The following SPATS2L variants were observed in gnomAD, a reference collection of about 807,000 sequenced individuals.
SPATS2L encodes the protein SPATS2-like protein.
SPATS2L carries 30 observed loss-of-function variants against 59.6 expected under a neutral mutation model. The ratio of observed to expected loss-of-function variants is 0.50; its 90% CI spans 0.38 to 0.68. The LOEUF (loss-of-function observed/expected upper bound fraction) is 0.68. SPATS2L is among the 30% of genes least tolerant of loss of function. SPATS2L has a pLI of 0.00. For synonymous variants in SPATS2L, 252 were observed against 263.5 expected (o/e 0.96, Z 0.42); for missense variants, 615 against 700.0 (o/e 0.88, Z 1.37).
chr2:200,418,985 A>T (rs940752189), intron 5 of SPATS2L, among the ~76,000 whole-genome samples: 2 of 152,208 alleles, frequency 1.3e-5, no homozygotes, highest in African/African-American at 4.8e-5. Context: ...TCAGCTATTT[A>T]AGCCATTCCT....
chr2:200,472,718 A>T (rs1289332195), intron 11 of SPATS2L, 114 bp from the exon 12 acceptor site: 1 of 884,322 alleles, frequency 1.1e-6, no homozygotes, highest in African/African-American at 1.7e-5. Flanking sequence ...AAACTTTTTA[A>T]TGTTTTTGTG....
chr2:200,473,143 T>G, intron 12 of SPATS2L, 91 bp downstream of exon 12: 2 of 1,247,976 alleles, frequency 1.6e-6, no homozygotes, highest in Non-Finnish European at 2.2e-6. Flanking sequence ...ATTCTGGGCC[T>G]CCTGGGGTCA....
intron 3 of SPATS2L, among the ~76,000 whole-genome samples, chr2:200,397,353 T>G (rs547306396): frequency 1.3e-5 from 2 of 152,310 alleles, no homozygotes; most frequent in South Asian, 4.1e-4. Flanking sequence ...CTCACCATGA[T>G]CCTTCGTATT....
chr2:200,443,045 A>T (rs2084801167), intron 8 of SPATS2L, among the ~76,000 whole-genome samples: 1 of 152,190 alleles, frequency 6.6e-6, no homozygotes, highest in African/African-American at 2.4e-5. Flanking sequence ...TTATTTTCTG[A>T]TCTAATCCTT....
chr2:200,406,133 A>G (rs1471218748), intron 3 of SPATS2L, among the ~76,000 whole-genome samples: 3 of 152,182 alleles, frequency 2.0e-5, no homozygotes, highest in Non-Finnish European at 4.4e-5. Context: ...ATATAAAGAT[A>G]TGCTCCCTGT....
intron 6 of SPATS2L, among the ~76,000 whole-genome samples, chr2:200,425,065 T>C (rs1043541822): frequency 6.9e-6 from 1 of 145,614 alleles, no homozygotes; most frequent in African/African-American, 2.5e-5. Context: ...TTTCTCATCC[T>C]CAAGTGAACT....
chr2:200,389,659 C>T (rs1424855831), intron 3 of SPATS2L: 19 of 174,136 alleles, frequency 1.1e-4, no homozygotes, highest in Non-Finnish European at 2.5e-5. Context: ...TACTCTTCAC[C>T]CCCAGGCTGG....
chr2:200,366,575 T>A (rs2081275613), intron 2 of SPATS2L, among the ~76,000 whole-genome samples: 1 of 152,226 alleles, frequency 6.6e-6, no homozygotes, highest in South Asian at 2.1e-4. Context: ...TGATTATTCA[T>A]GGACTTGAGT....
chr2:200,371,070 C>T (rs920184428), intron 2 of SPATS2L, among the ~76,000 whole-genome samples: 4 of 151,992 alleles, frequency 2.6e-5, no homozygotes, highest in East Asian at 1.9e-4. Flanking sequence ...AATTGATTGT[C>T]GGCTCATTAT....
chr2:200,470,094 G>T (rs1337900800), intron 11 of SPATS2L, 78 bp downstream of exon 11: 1 of 1,191,014 alleles, frequency 8.4e-7, no homozygotes, highest in East Asian at 2.6e-5. Flanking sequence ...GAAATGTCAG[G>T]TGTGCAGTCC....
At chr2:200,314,093 C>G (rs987151906) in intron 1 of SPATS2L, among the ~76,000 whole-genome samples, 4 of 152,196 alleles carry the variant, frequency 2.6e-5, no homozygotes, top group Non-Finnish European at 5.9e-5. Context: ...GCCATTGATT[C>G]CATTGTAAAT....
chr2:200,324,150 C>G (rs1302917673), intron 1 of SPATS2L, among the ~76,000 whole-genome samples: 1 of 152,218 alleles, frequency 6.6e-6, no homozygotes, highest in Non-Finnish European at 1.5e-5. Flanking sequence ...CATACAGTCA[C>G]TGTGGATCGC....
intron 2 of SPATS2L, among the ~76,000 whole-genome samples, chr2:200,331,082 A>G (rs2079927792): frequency 6.6e-6 from 1 of 152,218 alleles, no homozygotes; most frequent in South Asian, 2.1e-4. Flanking sequence ...CCCCCTCAGC[A>G]TAATCCTATT....
At chr2:200,455,458 A>G (rs922843804) in intron 8 of SPATS2L, among the ~76,000 whole-genome samples, 1 of 152,192 alleles carries the variant, frequency 6.6e-6, no homozygotes, top group Non-Finnish European at 1.5e-5. Context: ...GATGTCAGGA[A>G]GCTTAGATGA....
At chr2:200,351,394 TGAA>T in intron 2 of SPATS2L, 4 of 438,470 alleles carry the variant, frequency 9.1e-6, no homozygotes, top group South Asian at 6.6e-5. Flanking sequence ...TAAAAACATT[TGAA>T]GTTGAGATAC....
At chr2:200,378,217 A>G (rs2081667081) in intron 2 of SPATS2L, 3 of 1,002,144 alleles carry the variant, frequency 3.0e-6, no homozygotes, top group Admixed American at 6.1e-5. Flanking sequence ...TTCTGGCTCC[A>G]CATTCGTCAC....
chr2:200,436,468 G>C (rs1206497876), intron 6 of SPATS2L, among the ~76,000 whole-genome samples: 1 of 152,052 alleles, frequency 6.6e-6, no homozygotes, highest in Non-Finnish European at 1.5e-5. Context: ...GATTTCACTA[G>C]TAATGAGACA....
chr2:200,465,984 A>C (rs2086570853), intron 9 of SPATS2L, among the ~76,000 whole-genome samples: 1 of 152,234 alleles, frequency 6.6e-6, no homozygotes, highest in African/African-American at 2.4e-5. Context: ...GTGAGCCGAG[A>C]TCATGCCACG....
intron 1 of SPATS2L, among the ~76,000 whole-genome samples, chr2:200,311,264 G>A (rs971524280): frequency 1.3e-5 from 2 of 152,172 alleles, no homozygotes; most frequent in African/African-American, 2.4e-5. Flanking sequence ...TGAAGGAGGC[G>A]TCTGTCAAGA....
Sources: allele counts gnomAD v4.1 joint callset (sites outside exome capture counted in the v4.1 genomes callset), GRCh38; gene constraint gnomAD v4.1.1; transcripts MANE v1.5; gene names NCBI Gene and HGNC (gene_info 2026-07-23, HGNC 2026-07-21).